Variants in CDK7 observed in about 807,000 individuals in gnomAD.
CDK7 encodes the protein cyclin dependent kinase 7, also known as cyclin-dependent kinase 7.
Under a neutral mutation model 49.1 loss-of-function variants are expected in CDK7, and 25 were observed. The ratio of observed to expected loss-of-function variants is 0.51; its 90% CI spans 0.37 to 0.71. CDK7 has a LOEUF of 0.71. CDK7 is among the 30% of genes least tolerant of loss of function. CDK7 has a pLI of 0.00. For synonymous variants in CDK7, 107 were observed against 140.0 expected (o/e 0.76, Z 1.67); for missense variants, 316 against 411.7 (o/e 0.77, Z 2.01).
chr5:69,272,750 T>A, intron 9 of CDK7, 142 bp from the exon 10 acceptor site: 1 of 448,828 alleles, frequency 2.2e-6, no homozygotes, highest in East Asian at 3.4e-5. Context: ...TTCAGCCTTG[T>A]CTTACTACTA....
intron 8 of CDK7, 77 bp downstream of exon 8, chr5:69,262,381 G>C (rs1185290547): frequency 6.3e-7 from 1 of 1,598,458 alleles, no homozygotes; most frequent in Non-Finnish European, 8.6e-7. Flanking sequence ...AAGAATTCTT[G>C]TCCTAGGCCA....
At chr5:69,267,352 G>A (rs896526241) in intron 8 of CDK7, among the ~76,000 whole-genome samples, 6 of 139,838 alleles carry the variant, frequency 4.3e-5, no homozygotes, top group African/African-American at 1.6e-4. Flanking sequence ...AGGCTGGAGT[G>A]CGGTGGCGTG....
rs753244219 is a variant in CDK7, at chr5:69,272,907, C to T, written c.730C>T (p.Pro244Ser). 1.3e-6 allele frequency: 2 copies of T among 1,588,680 alleles called. No individual in the cohort carries two copies. Among genetic ancestry groups the T allele is most frequent in the East Asian group, 4.5e-5 (2 of 44,562 alleles). The change falls in exon 10 of 12, where the codon CCA (proline) becomes TCA (serine). Residue 244 changes from proline (P) to serine (S), a missense_variant. By Grantham distance (74) the Pro-to-Ser change is moderately conservative (BLOSUM62 -1). Coordinates refer to ENST00000256443, the MANE Select transcript of CDK7 (RefSeq NM_001799.4). ...EEQWPDMCSL[P>S]DYVTFKSFPG... ...ATTTTTACAGGACATGTGTAGTCTT[C>T]CAGATTATGTGACATTTAAGAGTTT...
intron 8 of CDK7, among the ~76,000 whole-genome samples, chr5:69,264,693 G>A (rs1249022702): frequency 2.6e-5 from 4 of 152,146 alleles, no homozygotes; most frequent in Admixed American, 6.5e-5. Flanking sequence ...TTATGAGGCC[G>A]GGCGCAGTAG....
chr5:69,254,742 G>A (rs1050229098), intron 4 of CDK7, 73 bp downstream of exon 4: 18 of 822,792 alleles, frequency 2.2e-5, no homozygotes, highest in Admixed American at 4.0e-5. Flanking sequence ...TTGATTAAAG[G>A]CTCAGCAAGA....
chr5:69,276,449 T>A (rs1170376545), intron 10 of CDK7, 94 bp from the exon 11 acceptor site: 2 of 1,132,214 alleles, frequency 1.8e-6, no homozygotes, highest in Non-Finnish European at 2.6e-6. Context: ...TCACATAGTA[T>A]TTTTAATGCT....
chr5:69,272,607 A>G (rs571639998), intron 9 of CDK7, among the ~76,000 whole-genome samples: 1 of 152,134 alleles, frequency 6.6e-6, no homozygotes, highest in Admixed American at 6.6e-5. Flanking sequence ...ATGTTTTGTT[A>G]CATTTTTCAC....
intron 2 of CDK7, among the ~76,000 whole-genome samples, chr5:69,237,593 T>C (rs1364317872): frequency 1.3e-5 from 2 of 152,202 alleles, no homozygotes; most frequent in Non-Finnish European, 2.9e-5. Context: ...TTATTGTCTG[T>C]TTAATTCCAT....
Position 69,248,802 on chromosome 5 carries a change from C to CTTTTTTTTT in CDK7, c.127-3607_127-3599dup, listed in dbSNP as rs70992911. Among the ~76,000 whole-genome samples, 6 of 92,276 alleles carry CTTTTTTTTT rather than the reference C, an allele frequency of 6.5e-5. 1 individual carries two copies. Among genetic ancestry groups the CTTTTTTTTT allele is most frequent in the Admixed American group, 1.4e-4 (1 of 7,162 alleles). 60.5% of individuals were successfully genotyped at this position (92,276 alleles called of 152,430 possible). The stretch of plus-strand genomic sequence containing the variant: ...ATAACCTTCTTTTCTTTTTTTTTTT[C>CTTTTTTTTT]TTTTTTTTTTTTTTTTTGGAGACGG... On this transcript the variant is annotated intron_variant, in intron 2 of 11. Transcript: ENST00000256443.
At chr5:69,262,973 A>G (rs916351970) in intron 8 of CDK7, among the ~76,000 whole-genome samples, 6 of 152,308 alleles carry the variant, frequency 3.9e-5, no homozygotes, top group Admixed American at 3.3e-4. Flanking sequence ...GCTTTAGGAA[A>G]TGTATAATAC....
At chr5:69,239,876 AT>A (rs34223920) in intron 2 of CDK7, among the ~76,000 whole-genome samples, 156 of 140,334 alleles carry the variant, frequency 1.1e-3, no homozygotes, top group Middle Eastern at 7.1e-3. Context: ...AGGATCCAGT[AT>A]TTTTTTTTTT....
chr5:69,251,901 AT>A (rs1750170666), intron 2 of CDK7, among the ~76,000 whole-genome samples: 1 of 152,170 alleles, frequency 6.6e-6, no homozygotes, highest in African/African-American at 2.4e-5. Flanking sequence ...CAGGTAATTT[AT>A]TTTGTGTAAG....
In CDK7 at chr5:69,254,616, G is replaced by A; in HGVS notation, c.175G>A (p.Ala59Thr). The A allele has an allele frequency of 6.7e-7, 1 of 1,498,286 alleles. No individual in the cohort carries two copies. The highest frequency in any genetic ancestry group is 9.3e-7 in the Non-Finnish European group (1 of 1,075,736). The allele number at this position is 1,498,286 out of a possible 1,614,324, so 92.8% of individuals were successfully genotyped here. Residue 59 changes from alanine (A) to threonine (T), a missense_variant, in exon 4 of 12, where the codon GCC (alanine) becomes ACC (threonine). Coordinates refer to ENST00000256443, the MANE Select transcript of CDK7 (RefSeq NM_001799.4). The stretch of plus-strand genomic sequence containing the variant: ...TTTTTATATAGGTATAAATAGAACC[G>A]CCTTAAGAGAGATAAAATTATTACA... ...SEAKDGINRT[A>T]LREIKLLQEL...
intron 3 of CDK7, among the ~76,000 whole-genome samples, chr5:69,252,926 G>A (rs1467435751): frequency 6.6e-6 from 1 of 152,174 alleles, no homozygotes. Flanking sequence ...GCATAGAGAA[G>A]GAGTATTTGG....
chr5:69,258,008 A>AT, intron 5 of CDK7, 35 bp from the exon 6 acceptor site: 1 of 981,864 alleles, frequency 1.0e-6, no homozygotes, highest in Non-Finnish European at 1.6e-6. Context: ...TTGAAATAAT[A>AT]AAGGGTACCT....
intron 10 of CDK7, among the ~76,000 whole-genome samples, chr5:69,275,053 G>A (rs1172542497): frequency 2.1e-5 from 3 of 145,116 alleles, no homozygotes; most frequent in East Asian, 4.0e-4. Context: ...AACAGGGTGA[G>A]ACTCTGTATC....
intron 10 of CDK7, among the ~76,000 whole-genome samples, chr5:69,276,032 T>C (rs556763168): frequency 1.3e-5 from 2 of 152,204 alleles, no homozygotes; most frequent in South Asian, 4.1e-4. Flanking sequence ...GGAGTCTTTT[T>C]TTCTTTTCTT....
At chr5:69,272,474 G>A (rs976031515) in intron 9 of CDK7, among the ~76,000 whole-genome samples, 11 of 152,100 alleles carry the variant, frequency 7.2e-5, no homozygotes, top group Non-Finnish European at 1.6e-4. Flanking sequence ...TCAATTTGAG[G>A]ATAATTAACA....
Position 69,252,457 on chromosome 5 carries a change from T to C in CDK7, c.160+6T>C. The C allele has an allele frequency of 4.6e-6, 7 of 1,508,314 alleles. No homozygotes were observed. The highest frequency in any genetic ancestry group is 6.3e-6 in the Non-Finnish European group (7 of 1,111,456). 93.4% of individuals were successfully genotyped at this position (1,508,314 alleles called of 1,614,324 possible). A position where few individuals can be genotyped will look rare whatever the true frequency, so the allele number is the denominator to read the frequency against. On this transcript the variant is annotated splice_donor_region_variant and intron_variant, in intron 3 of 11. Transcript: ENST00000256443. The stretch of plus-strand genomic sequence containing the variant: ...TAGATCAGAAGCTAAAGATGGTAAG[T>C]ATTTCATGTAATCTGACAGATAGGA...
Sources: gnomAD v4.1 joint callset for allele counts (sites outside exome capture counted in the v4.1 genomes callset) on GRCh38, gnomAD v4.1.1 for gene constraint, MANE v1.5 for transcripts, NCBI Gene and HGNC (gene_info 2026-07-23, HGNC 2026-07-21) for gene names.